The following HOXD13 variants were observed in gnomAD, a reference collection of about 807,000 sequenced individuals.
The protein encoded by HOXD13 is homeobox protein Hox-D13.
In HOXD13, 16 loss-of-function variants were observed where a neutral mutation model predicts 27.3. That is an observed-to-expected ratio of 0.59 (90% CI 0.40 to 0.89). HOXD13 has a LOEUF of 0.89. HOXD13 is among the 40% of genes least tolerant of loss of function. HOXD13 has a pLI of 0.00. For synonymous variants in HOXD13, 241 were observed against 219.0 expected, an observed-to-expected ratio of 1.10 and a Z score of -0.89; for missense variants, 481 against 482.6, an observed-to-expected ratio of 1.00 and a Z score of 0.03.
At position 176,093,480 on chromosome 2, in the gene HOXD13, C is replaced by A. The variant is rs1292266815; in HGVS notation, c.590C>A (p.Thr197Lys). ...AKEVSFYQGY[T>K]SPYQHVPGYI... ...GAGGTATCCTTCTACCAGGGCTATACGAGCCCTTACCAGCACGTGCCCGGC... is the reference window on the plus strand; with the variant it reads ...GAGGTATCCTTCTACCAGGGCTATAAGAGCCCTTACCAGCACGTGCCCGGC... The change falls in exon 1 of 2, where the codon ACG (threonine) becomes AAG (lysine). Residue 197 changes from threonine to lysine, a missense_variant. Coordinates refer to ENST00000392539, the MANE Select transcript of HOXD13 (RefSeq NM_000523.4). The A allele has an allele frequency of 1.2e-6, 2 of 1,614,046 alleles. No individual in the cohort carries two copies. Among genetic ancestry groups the A allele is most frequent in the Non-Finnish European group, 8.5e-7 (1 of 1,179,996 alleles).
upstream of HOXD13, among the ~76,000 whole-genome samples, chr2:176,089,374 T>G (rs576940371): frequency 1.3e-5 from 2 of 152,208 alleles, no homozygotes; most frequent in Admixed American, 6.5e-5. Flanking sequence ...AAGACTCTAT[T>G]TCTACACCAA....
chr2:176,090,099 C>T (rs946421696), upstream of HOXD13, among the ~76,000 whole-genome samples: 3 of 152,368 alleles, frequency 2.0e-5, no homozygotes, highest in Admixed American at 2.0e-4. Flanking sequence ...CCTGACTTTG[C>T]CTTGTACTCA....
Position 176,095,043 on chromosome 2 carries a change from C to A in HOXD13, c.*313C>A, listed in dbSNP as rs886171700. On this transcript the variant is annotated 3_prime_UTR_variant, in exon 2 of 2. Transcript: ENST00000392539. ...ACTTGAAGTATTTTTTAATAATCCG[C>A]CCCCCAATGAACTTCAGAAGTGCCA... 2 of 379,754 alleles carry A rather than the reference C, an allele frequency of 5.3e-6. No individual in the cohort carries two copies. The highest frequency in any genetic ancestry group is 3.5e-5 in the South Asian group (1 of 28,604). The allele number at this position is 379,754 out of a possible 1,614,324, so 23.5% of individuals were successfully genotyped here.
upstream of HOXD13, among the ~76,000 whole-genome samples, chr2:176,092,139 CAA>C (rs956165852): frequency 7.9e-5 from 12 of 152,176 alleles, no homozygotes; most frequent in African/African-American, 2.4e-4. Flanking sequence ...GGGTCTGCTC[CAA>C]TGCCTCTTAC....
chr2:176,088,564 C>CT (rs1015976765), upstream of HOXD13, among the ~76,000 whole-genome samples: 5 of 151,956 alleles, frequency 3.3e-5, no homozygotes, highest in East Asian at 1.9e-4. Context: ...TCGGCTCCCC[C>CT]CTTCGTGCTT....
chr2:176,087,898 C>T (rs1689264611), upstream of HOXD13, among the ~76,000 whole-genome samples: 3 of 152,258 alleles, frequency 2.0e-5, no homozygotes, highest in East Asian at 3.8e-4. Flanking sequence ...GTTTCTTGAG[C>T]AGCAGCGGGT....
upstream of HOXD13, among the ~76,000 whole-genome samples, chr2:176,091,816 T>A (rs978745996): frequency 1.3e-5 from 2 of 151,672 alleles, no homozygotes; most frequent in South Asian, 4.2e-4. Context: ...GCGAGGCCGG[T>A]CGGCTGCTGG....
Position 176,093,060 on chromosome 2 carries a change from C to CG in HOXD13, c.172dup (p.Ala58GlyfsTer24). ...TTCGCCGGGACGCATTCGGGGCGGG[C>CG]GGCGGCGGCGGCAGCGGCGGCTGCG... is the stretch of plus-strand genomic sequence containing the variant. On this transcript the variant is annotated frameshift_variant, in exon 1 of 2. Transcript: ENST00000392539. LOFTEE classifies it high-confidence loss of function. The CG allele has an allele frequency of 7.4e-7, 1 of 1,353,980 alleles. No individual in the cohort carries two copies. The allele number at this position is 1,353,980 out of a possible 1,614,324, so 83.9% of individuals were successfully genotyped here.
upstream of HOXD13, among the ~76,000 whole-genome samples, chr2:176,091,207 TCA>T (rs1689314098): frequency 1.3e-5 from 2 of 152,190 alleles, no homozygotes; most frequent in Admixed American, 6.5e-5. Context: ...GCTCTCTTCC[TCA>T]TCTTACTCAG....
rs745798601 is a variant in HOXD13, at chr2:176,093,410, G to A, written c.520G>A (p.Ala174Thr). The change falls in exon 1 of 2, where the codon GCG becomes ACG. Residue 174 changes from alanine to threonine, a missense_variant. Physicochemically the swap from Ala to Thr is moderately conservative, Grantham distance 58 (BLOSUM62 0). Transcript: ENST00000392539. ...GAAGTACATGGACGTGTCAGGCCTG[G>A]CGAGCAGCAGCGTACCGGCCAACGA... ...VEKYMDVSGL[A>T]SSSVPANEVP... 120 of 1,613,878 alleles carry A rather than the reference G, an allele frequency of 7.4e-5. No homozygotes were observed. Among genetic ancestry groups the A allele is most frequent in the Non-Finnish European group, 5.0e-5 (59 of 1,180,054 alleles).
upstream of HOXD13, among the ~76,000 whole-genome samples, chr2:176,089,086 C>T (rs539248930): frequency 6.6e-6 from 1 of 152,326 alleles, no homozygotes; most frequent in South Asian, 2.1e-4. Flanking sequence ...TTTGATAAAG[C>T]CTAATCGTGT....
chr2:176,089,837 G>A (rs1010954404), upstream of HOXD13, among the ~76,000 whole-genome samples: 5 of 152,188 alleles, frequency 3.3e-5, no homozygotes, highest in Non-Finnish European at 7.4e-5. Context: ...GAAGACACAC[G>A]TTTGGAGACA....
intron 1 of HOXD13, among the ~76,000 whole-genome samples, chr2:176,093,927 C>G (rs550875393): frequency 1.3e-5 from 2 of 152,298 alleles, no homozygotes; most frequent in South Asian, 4.1e-4. Flanking sequence ...AGTTGAGAGT[C>G]TCTGCGTGCC....
In HOXD13 at chr2:176,095,271, G is replaced by A. The variant is rs900329041; in HGVS notation, c.*541G>A. 3.5e-5 allele frequency: 8 copies of A among 229,762 alleles called. No individual in the cohort carries two copies. Among genetic ancestry groups the A allele is most frequent in the Non-Finnish European group, 5.2e-5 (6 of 115,938 alleles). The allele number at this position is 229,762 out of a possible 1,614,324, so 14.2% of individuals were successfully genotyped here. A position where few individuals can be genotyped will look rare whatever the true frequency, so the allele number is the denominator to read the frequency against. The stretch of plus-strand genomic sequence containing the variant: ...GGGTCACCGAGAAAGTCTAAAAACA[G>A]GAGGCTGAAGGTACTGTGATGGCTT... On this transcript the variant is annotated 3_prime_UTR_variant, in exon 2 of 2. Coordinates refer to ENST00000392539, the MANE Select transcript of HOXD13 (RefSeq NM_000523.4).
In HOXD13 at chr2:176,094,545, T is replaced by C; in HGVS notation, c.847T>C (p.Tyr283His). 6.2e-7 allele frequency: 1 copy of C among 1,614,012 alleles called. No individual in the cohort carries two copies. Residue 283 changes from tyrosine to histidine, a missense_variant, in exon 2 of 2, where the codon TAC becomes CAC. Transcript: ENST00000392539. ...YRRGRKKRVPYTKLQLKELEN... is the reference protein window; with the variant it reads ...YRRGRKKRVPHTKLQLKELEN... ...AAGAGGGAGGAAGAAGAGAGTGCCT[T>C]ACACCAAACTGCAGCTTAAAGAACT...
rs1689340673 is a variant in HOXD13, at chr2:176,092,804, G to A, written c.-87G>A. The stretch of plus-strand genomic sequence containing the variant: ...AGAGGGCGGGAGCGAGCGAACCAGA[G>A]AGAAAGGAGAGGAGGGAGGAGGCGC... On this transcript the variant is annotated 5_prime_UTR_variant, in exon 1 of 2. Transcript: ENST00000392539. 1.1e-6 allele frequency: 1 copy of A among 893,706 alleles called. No homozygotes were observed. The highest frequency in any genetic ancestry group is 1.5e-6 in the Non-Finnish European group (1 of 686,862). 55.4% of individuals were successfully genotyped at this position (893,706 alleles called of 1,614,324 possible). A position where few individuals can be genotyped will look rare whatever the true frequency, so the allele number is the denominator to read the frequency against.
At chr2:176,091,918 G>C (rs943881196), upstream of HOXD13, among the ~76,000 whole-genome samples, 2 of 152,136 alleles carry the variant, frequency 1.3e-5, no homozygotes, top group Admixed American at 6.5e-5. Flanking sequence ...AAGGACCCGC[G>C]GGAGCTGAGA....
upstream of HOXD13, among the ~76,000 whole-genome samples, chr2:176,091,681 TG>T (rs1689321859): frequency 6.6e-6 from 1 of 152,190 alleles, no homozygotes; most frequent in Non-Finnish European, 1.5e-5. Context: ...CCTCTTAATT[TG>T]CCCCTCTCAG....
rs771939727 is a variant in HOXD13, at chr2:176,093,411, C to T, written c.521C>T (p.Ala174Val). The T allele has an allele frequency of 2.5e-6, 4 of 1,613,930 alleles. No individual in the cohort carries two copies. Among genetic ancestry groups the T allele is most frequent in the Non-Finnish European group, 3.4e-6 (4 of 1,180,022 alleles). The change falls in exon 1 of 2, where the codon GCG becomes GTG. Residue 174 changes from alanine to valine, a missense_variant. Ala to Val is a moderately conservative substitution (Grantham distance 64). Coordinates refer to ENST00000392539, the MANE Select transcript of HOXD13 (RefSeq NM_000523.4). ...VEKYMDVSGL[A>V]SSSVPANEVP... is the part of the protein sequence containing the mutation. ...AAGTACATGGACGTGTCAGGCCTGG[C>T]GAGCAGCAGCGTACCGGCCAACGAG...
Sources: gnomAD v4.1 joint callset for allele counts (sites outside exome capture counted in the v4.1 genomes callset) on GRCh38, gnomAD v4.1.1 for gene constraint, MANE v1.5 for transcripts, NCBI Gene and HGNC (gene_info 2026-07-23, HGNC 2026-07-21) for gene names.